CPEB3: variants seen among roughly 807,000 people sequenced by gnomAD.
CPEB3 encodes cytoplasmic polyadenylation element binding protein 3, also known as cytoplasmic polyadenylation element-binding protein 3.
CPEB3 carries 20 observed loss-of-function variants against 67.2 expected under a neutral mutation model. The ratio of observed to expected loss-of-function variants is 0.30; its 90% CI spans 0.21 to 0.43. CPEB3 has a LOEUF of 0.43. Among genes scored for constraint, CPEB3 ranks in the 20% least tolerant of loss-of-function variants. The pLI is 1.00. For missense variants in CPEB3, 746 were observed against 968.6 expected (o/e 0.77, Z 3.05); for synonymous variants, 376 against 393.1 (o/e 0.96, Z 0.51).
At chr10:92,286,534 G>A (rs988437869) in intron 1 of CPEB3, among the ~76,000 whole-genome samples, 3 of 149,962 alleles carry the variant, frequency 2.0e-5, no homozygotes, top group Admixed American at 2.0e-4. Context: ...GCAGTGAGCT[G>A]AGATGGCACC....
chr10:92,260,811 G>C (rs1295536554), intron 1 of CPEB3, among the ~76,000 whole-genome samples: 1 of 152,048 alleles, frequency 6.6e-6, no homozygotes, highest in African/African-American at 2.4e-5. Context: ...GTTTCGCCAT[G>C]TTGGCCAGGC....
intron 1 of CPEB3, among the ~76,000 whole-genome samples, chr10:92,259,493 A>C (rs1410326093): frequency 6.6e-6 from 1 of 151,700 alleles, no homozygotes; most frequent in Non-Finnish European, 1.5e-5. Context: ...CCCAGCTACT[A>C]GGGAGGCTGA....
chr10:92,156,880 G>A (rs1847233913), intron 4 of CPEB3, among the ~76,000 whole-genome samples: 1 of 152,128 alleles, frequency 6.6e-6, no homozygotes, highest in Admixed American at 6.6e-5. Context: ...TATTTGCTGT[G>A]AAATAAATGA....
intron 4 of CPEB3, among the ~76,000 whole-genome samples, chr10:92,156,961 C>T (rs1022289255): frequency 5.3e-5 from 8 of 152,182 alleles, no homozygotes; most frequent in Non-Finnish European, 7.4e-5. Context: ...TAAAATACTA[C>T]GAATTTAGCA....
intron 9 of CPEB3, among the ~76,000 whole-genome samples, chr10:92,061,960 G>A (rs967549956): frequency 1.3e-5 from 2 of 152,114 alleles, no homozygotes; most frequent in African/African-American, 4.8e-5. Context: ...ATAAAAATTT[G>A]GCTTGGCACA....
In CPEB3 at chr10:92,223,787, C is replaced by T. The variant is rs375822939; in HGVS notation, c.1005+15559G>A. On this transcript the variant is annotated intron_variant, in intron 2 of 9. Transcript: ENST00000265997. ...TTTTTGAGTCAGAGTCTCACTCTCT[C>T]GCCCAGGCTGGAGTGCAATGATGTG... 3.4e-5 allele frequency among the ~76,000 whole-genome samples: 5 copies of T among 147,730 alleles called. No individual in the cohort carries two copies. The East Asian group carries it at 7.9e-4, about 23-fold the overall frequency.
chr10:92,284,590 T>C (rs1427664959), intron 1 of CPEB3, among the ~76,000 whole-genome samples: 1 of 152,124 alleles, frequency 6.6e-6, no homozygotes, highest in East Asian at 1.9e-4. Context: ...CTTTATCTAG[T>C]TAATGCCTGC....
chr10:92,092,025 C>T (rs552208060), intron 7 of CPEB3, 81 bp from the exon 8 acceptor site: 7 of 840,484 alleles, frequency 8.3e-6, no homozygotes, highest in Non-Finnish European at 1.4e-5. Flanking sequence ...GACAAACCCA[C>T]TGATTTGTGC....
intron 4 of CPEB3, among the ~76,000 whole-genome samples, chr10:92,157,282 C>T (rs903822494): frequency 2.6e-5 from 4 of 152,108 alleles, no homozygotes; most frequent in African/African-American, 9.7e-5. Context: ...GATGAGCATA[C>T]CAAATCTAAA....
chr10:92,071,186 T>C (rs931319127), intron 9 of CPEB3, among the ~76,000 whole-genome samples: 1 of 152,174 alleles, frequency 6.6e-6, no homozygotes, highest in African/African-American at 2.4e-5. Flanking sequence ...GTATCCTTTC[T>C]ACTAGTAAAA....
At chr10:92,052,784 G>A (rs947852848) in intron 9 of CPEB3, among the ~76,000 whole-genome samples, 30 of 152,234 alleles carry the variant, frequency 2.0e-4, no homozygotes, top group Non-Finnish European at 1.0e-4. Flanking sequence ...TGCTGGGGAG[G>A]ATTAAGAGGG....
rs142429650 is a variant in CPEB3 at position 92,083,067 on chromosome 10, G to A, written c.1688-1566C>T. On this transcript the variant is annotated intron_variant, in intron 8 of 9. Coordinates refer to ENST00000265997, the MANE Select transcript of CPEB3 (RefSeq NM_014912.5). ...GGTTTCTGTACTATGAAACTGCTGA[G>A]GCAGTAAGAAAAACTGTGTTGCTAC... is the stretch of plus-strand genomic sequence containing the variant. Among the ~76,000 whole-genome samples the A allele has an allele frequency of 7.9e-4, 120 of 152,218 alleles. 1 individual carries two copies. Among genetic ancestry groups the A allele is most frequent in the African/African-American group, 2.7e-3 (114 of 41,534 alleles).
chr10:92,194,168 G>A (rs1446761354), intron 2 of CPEB3, among the ~76,000 whole-genome samples: 2 of 151,574 alleles, frequency 1.3e-5, no homozygotes, highest in Admixed American at 1.3e-4. Context: ...GTGGCCAGGC[G>A]CAGTGGCTCA....
rs193166870 is a variant in CPEB3, at chr10:92,062,169, T to A, written c.1870-9730A>T. ...GTGAGGCAAGAAAATCACTTGAACC[T>A]GGGAAGCAGAGGTTGCAGTGAGCTG... On this transcript the variant is annotated intron_variant, in intron 9 of 9. Coordinates refer to ENST00000265997, the MANE Select transcript of CPEB3 (RefSeq NM_014912.5). Among the ~76,000 whole-genome samples, 738 of 142,186 alleles carry A rather than the reference T, an allele frequency of 5.2e-3. 5 individuals are homozygous for A. The highest frequency in any genetic ancestry group is 6.9e-3 in the Non-Finnish European group (458 of 66,684). 93.3% of individuals were successfully genotyped at this position (142,186 alleles called of 152,430 possible). A position where few individuals can be genotyped will look rare whatever the true frequency, so the allele number is the denominator to read the frequency against.
At chr10:92,282,992 T>C (rs975359039) in intron 1 of CPEB3, among the ~76,000 whole-genome samples, 2 of 152,216 alleles carry the variant, frequency 1.3e-5, no homozygotes, top group Admixed American at 6.5e-5. Context: ...GGTTCATGCC[T>C]GTAATCCCAG....
chr10:92,227,755 C>T (rs1354678364), intron 2 of CPEB3, among the ~76,000 whole-genome samples: 1 of 152,058 alleles, frequency 6.6e-6, no homozygotes, highest in African/African-American at 2.4e-5. Flanking sequence ...CCTCGCCCGG[C>T]TAATTTTTTG....
At chr10:92,265,908 G>A (rs1238812003) in intron 1 of CPEB3, among the ~76,000 whole-genome samples, 7 of 151,896 alleles carry the variant, frequency 4.6e-5, no homozygotes, top group African/African-American at 1.7e-4. Context: ...CCTTGAGGAG[G>A]TAACTAGATT....
chr10:92,254,853 TTTTTTTA>T (rs1852453297), intron 1 of CPEB3, among the ~76,000 whole-genome samples: 3 of 152,032 alleles, frequency 2.0e-5, no homozygotes. Flanking sequence ...CTTTTCCTTA[TTTTTTTA>T]TTTTTTATTT....
rs1471078733 is a variant in CPEB3, at chr10:92,050,944, G to A, written c.*1268C>T. 6.6e-6 allele frequency: 1 copy of A among 152,634 alleles called. No homozygotes were observed. The highest frequency in any genetic ancestry group is 2.4e-5 in the African/African-American group (1 of 41,444). The allele number at this position is 152,634 out of a possible 1,614,324, so 9.5% of individuals were successfully genotyped here. Reference sequence around the variant, plus strand: ...GTTTATAATATATCAGTTATGAACTGTCAAGTTCATTAATGTCTGACAGAG... The same window carrying A: ...GTTTATAATATATCAGTTATGAACTATCAAGTTCATTAATGTCTGACAGAG... On this transcript the variant is annotated 3_prime_UTR_variant, in exon 10 of 10. Transcript: ENST00000265997.
Sources: allele counts gnomAD v4.1 joint callset (sites outside exome capture counted in the v4.1 genomes callset), GRCh38; gene constraint gnomAD v4.1.1; transcripts MANE v1.5; gene names NCBI Gene and HGNC (gene_info 2026-07-23, HGNC 2026-07-21).